BMP2K: variants seen among roughly 807,000 people sequenced by gnomAD.
BMP2K encodes the protein BMP2 inducible kinase.
BMP2K carries 74 observed loss-of-function variants against 116.0 expected under a neutral mutation model. The observed-to-expected ratio is 0.64, with a 90% CI of 0.53 to 0.77. The LOEUF is 0.77. Among genes scored for constraint, BMP2K ranks in the 30% least tolerant of loss-of-function variants. BMP2K has a pLI of 0.00. For missense variants in BMP2K, 1,365 were observed against 1,403.6 expected (o/e 0.97, Z 0.44); for synonymous variants, 486 against 502.5 (o/e 0.97, Z 0.44).
chr4:78,829,257 A>G (rs1730030960), intron 2 of BMP2K, among the ~76,000 whole-genome samples: 1 of 152,110 alleles, frequency 6.6e-6, no homozygotes, highest in East Asian at 1.9e-4. Context: ...ATCCTTTGTT[A>G]TTATTTCAAC....
intron 13 of BMP2K, among the ~76,000 whole-genome samples, chr4:78,877,718 C>T (rs1732696643): frequency 6.6e-6 from 1 of 152,166 alleles, no homozygotes; most frequent in Non-Finnish European, 1.5e-5. Context: ...CAGTCATTAT[C>T]AAATATGCAC....
intron 1 of BMP2K, among the ~76,000 whole-genome samples, chr4:78,795,374 G>A (rs546626329): frequency 6.6e-6 from 1 of 152,246 alleles, no homozygotes; most frequent in African/African-American, 2.4e-5. Flanking sequence ...ATGGTCATTG[G>A]GTGAAGGGAA....
At chr4:78,798,442 A>G (rs1173954235) in intron 1 of BMP2K, among the ~76,000 whole-genome samples, 1 of 152,214 alleles carries the variant, frequency 6.6e-6, no homozygotes, top group Non-Finnish European at 1.5e-5. Context: ...GGAGAACATA[A>G]CTGGTTTTCT....
intron 13 of BMP2K, among the ~76,000 whole-genome samples, chr4:78,875,486 T>G (rs1732588937): frequency 6.6e-6 from 1 of 152,228 alleles, no homozygotes; most frequent in Admixed American, 6.5e-5. Context: ...ATAGTTAAAA[T>G]AAACATCATC....
intron 1 of BMP2K, among the ~76,000 whole-genome samples, chr4:78,806,765 A>G (rs1728838187): frequency 6.6e-6 from 1 of 151,812 alleles, no homozygotes; most frequent in Non-Finnish European, 1.5e-5. Flanking sequence ...TTCCTTTATC[A>G]TATTGAGAAG....
At chr4:78,803,401 CT>C in intron 1 of BMP2K, among the ~76,000 whole-genome samples, 1 of 151,632 alleles carries the variant, frequency 6.6e-6, no homozygotes, top group Non-Finnish European at 1.5e-5. Context: ...CTCTTGGTTA[CT>C]TTTTTTGGGG....
rs1277765599 is a variant in BMP2K, at chr4:78,861,414, C to G, written c.1013C>G (p.Pro338Arg). 2 of 1,606,996 alleles carry G rather than the reference C, an allele frequency of 1.2e-6. No individual in the cohort carries two copies. Residue 338 changes from proline to arginine, a missense_variant, in exon 9 of 16, where the codon CCT becomes CGT. By Grantham distance (103) the Pro-to-Arg change is moderately radical. This residue lies in a region of BMP2K where 762 missense variants were observed against 756.7 expected (regional missense o/e 1.01). Transcript: ENST00000502613. ...INNSSIPSAL[P>R]EPMTASEAAA... is the part of the protein sequence containing the mutation. ...AATTCTTCTATTCCTTCAGCTCTTC[C>G]TGAACCGATGACTGCTAGTGAAGCA...
Position 78,813,694 on chromosome 4 carries a change from A to C in BMP2K, c.179-12343A>C, listed in dbSNP as rs974063730. Among the ~76,000 whole-genome samples, 5 of 152,182 alleles carry C rather than the reference A, an allele frequency of 3.3e-5. No individual in the cohort carries two copies. The East Asian group carries it at 9.6e-4, about 29-fold the overall frequency. ...CCTCACTTTCTTCCTATCTTTACTC[A>C]AAGTCACCTCAGGTCTTCCCCATGT... On this transcript the variant is annotated intron_variant, in intron 1 of 15. Coordinates refer to ENST00000502613, the MANE Select transcript of BMP2K (RefSeq NM_198892.2).
intron 9 of BMP2K, 150 bp downstream of exon 9, chr4:78,861,618 T>C (rs1731794652): frequency 1.5e-6 from 1 of 664,386 alleles, no homozygotes; most frequent in Non-Finnish European, 2.5e-6. Flanking sequence ...AGATAGCAAA[T>C]ACAAAATAAG....
At position 78,843,922 on chromosome 4, in the gene BMP2K, T is replaced by C. The variant is rs980213611; in HGVS notation, c.547-1006T>C. 5.3e-5 allele frequency among the ~76,000 whole-genome samples: 8 copies of C among 152,050 alleles called. 1 individual carries two copies. Among genetic ancestry groups the C allele is most frequent in the Admixed American group, 3.3e-4 (5 of 15,246 alleles). On this transcript the variant is annotated intron_variant, in intron 4 of 15. Transcript: ENST00000502613. ...TTAGTGCTTTTTATGTGTAAACTTA[T>C]GCAAAAATATATGTTCTAAGTAGAT...
chr4:78,845,500 A>G (rs575279899), intron 5 of BMP2K, among the ~76,000 whole-genome samples: 1 of 151,762 alleles, frequency 6.6e-6, no homozygotes, highest in East Asian at 1.9e-4. Context: ...TTAAGACTGC[A>G]TCATCACTGT....
chr4:78,804,050 C>T (rs1301586869), intron 1 of BMP2K, among the ~76,000 whole-genome samples: 4 of 152,014 alleles, frequency 2.6e-5, no homozygotes, highest in Non-Finnish European at 4.4e-5. Flanking sequence ...TGTGAAACAC[C>T]ACCACTAATT....
At chr4:78,905,429 T>C (rs1224842680) in intron 15 of BMP2K, among the ~76,000 whole-genome samples, 3 of 151,874 alleles carry the variant, frequency 2.0e-5, no homozygotes, top group Admixed American at 2.0e-4. Flanking sequence ...GAGCCAAAAA[T>C]AAAAACAGTG....
intron 4 of BMP2K, among the ~76,000 whole-genome samples, chr4:78,844,181 G>T (rs181969120): frequency 1.6e-4 from 24 of 151,762 alleles, no homozygotes; most frequent in Admixed American, 1.4e-3. Context: ...CTCATTTAAT[G>T]TTCACAACAG....
chr4:78,853,845 T>C (rs1256462967), intron 7 of BMP2K, among the ~76,000 whole-genome samples: 1 of 152,200 alleles, frequency 6.6e-6, no homozygotes, highest in Admixed American at 6.5e-5. Context: ...TTTAATACTA[T>C]AGTCATTATT....
At chr4:78,832,058 A>T (rs979431392) in intron 2 of BMP2K, among the ~76,000 whole-genome samples, 17 of 152,152 alleles carry the variant, frequency 1.1e-4, no homozygotes, top group Admixed American at 5.9e-4. Flanking sequence ...TCTGTAACAC[A>T]ATTTATTTAT....
At chr4:78,865,850 A>T in intron 10 of BMP2K, 130 bp downstream of exon 10, 3 of 869,658 alleles carry the variant, frequency 3.4e-6, no homozygotes, top group Non-Finnish European at 5.2e-6. Flanking sequence ...GAAACTTTCT[A>T]TTGATGTCTA....
chr4:78,884,316 GA>G (rs1299697773), intron 14 of BMP2K, among the ~76,000 whole-genome samples: 3 of 152,104 alleles, frequency 2.0e-5, no homozygotes, highest in Non-Finnish European at 4.4e-5. Flanking sequence ...GAAAGAGTGA[GA>G]CCCTGTCTCA....
chr4:78,868,221 C>T (rs1577942025), intron 10 of BMP2K, among the ~76,000 whole-genome samples: 3 of 152,126 alleles, frequency 2.0e-5, no homozygotes, highest in East Asian at 1.9e-4. Flanking sequence ...AGAATCATGG[C>T]GGGTGGTGAA....
Sources: allele counts gnomAD v4.1 joint callset (sites outside exome capture counted in the v4.1 genomes callset), GRCh38; gene constraint gnomAD v4.1.1; regional missense constraint gnomAD v4.1.1; transcripts MANE v1.5; gene names NCBI Gene and HGNC (gene_info 2026-07-23, HGNC 2026-07-21).